POU3F3: variants seen among roughly 807,000 people sequenced by gnomAD.
The protein encoded by POU3F3 is POU class 3 homeobox 3, also known as POU domain, class 3, transcription factor 3.
POU3F3 carries 1 observed loss-of-function variant against 8.6 expected under a neutral mutation model. The observed-to-expected ratio is 0.12, with a 90% CI of 0.04 to 0.55. The LOEUF is 0.55. Ranked by LOEUF, POU3F3 falls within the 20% of genes least tolerant of loss-of-function variation. POU3F3 has a pLI of 0.91. For missense variants in POU3F3, 577 were observed against 690.7 expected (o/e 0.84, Z 1.84); for synonymous variants, 418 against 327.4 (o/e 1.28, Z -2.99).
chr2:104,869,550 G>GTCC, the POU3F3 span, among the ~76,000 whole-genome samples: 1 of 152,176 alleles, frequency 6.6e-6, no homozygotes, highest in Non-Finnish European at 1.5e-5. Flanking sequence ...TTGTGCCCCA[G>GTCC]TCCTACTTGT....
chr2:104,854,104 G>T (rs1451499438), upstream of POU3F3, among the ~76,000 whole-genome samples: 1 of 152,172 alleles, frequency 6.6e-6, no homozygotes, highest in African/African-American at 2.4e-5. The surrounding 1 kb of genome is among the most constrained non-coding windows in gnomAD (Gnocchi z 4.5). Flanking sequence ...CGCTCGCGGC[G>T]GAGGGTAAAC....
chr2:104,899,926 G>A, the POU3F3 span, among the ~76,000 whole-genome samples: 4 of 152,178 alleles, frequency 2.6e-5, no homozygotes, highest in East Asian at 3.9e-4. Flanking sequence ...ACACACATTC[G>A]AAGACTGCCC....
chr2:104,924,423 G>A, the POU3F3 span, among the ~76,000 whole-genome samples: 1 of 152,160 alleles, frequency 6.6e-6, no homozygotes. Context: ...TCTTCTGTCT[G>A]CAAAGACAAT....
chr2:104,887,751 C>A, the POU3F3 span, among the ~76,000 whole-genome samples: 1 of 152,192 alleles, frequency 6.6e-6, no homozygotes, highest in Non-Finnish European at 1.5e-5. Flanking sequence ...GAGAGTAGTG[C>A]AAGCTGTTCA....
the POU3F3 span, chr2:104,872,181 C>G: frequency 1.5e-5 from 7 of 453,428 alleles, no homozygotes; most frequent in Admixed American, 1.4e-4. This position sits in a 1 kb window ranked among gnomAD's most constrained non-coding sequence, Gnocchi z 4.6. Flanking sequence ...CCTGCGCCCG[C>G]CGGCTGCGCC....
chr2:104,872,584 G>A, the POU3F3 span: 2 of 301,018 alleles, frequency 6.6e-6, no homozygotes, highest in Non-Finnish European at 1.3e-5. This position sits in a 1 kb window ranked among gnomAD's most constrained non-coding sequence, Gnocchi z 4.6. Context: ...AGGCTGGTGG[G>A]GACGCACTCG....
downstream of POU3F3, among the ~76,000 whole-genome samples, chr2:104,860,976 T>A (rs1037118689): frequency 5.3e-5 from 8 of 151,986 alleles, no homozygotes; most frequent in Non-Finnish European, 1.0e-4. Flanking sequence ...TTGATAGTTT[T>A]ATCGATAAGT....
the POU3F3 span, among the ~76,000 whole-genome samples, chr2:104,870,368 A>G: frequency 6.6e-6 from 1 of 152,358 alleles, no homozygotes; most frequent in South Asian, 2.1e-4. Context: ...AAAAGTATCA[A>G]AACTTTTCGC....
chr2:104,859,716 G>T (rs911322066), downstream of POU3F3, among the ~76,000 whole-genome samples: 8 of 152,066 alleles, frequency 5.3e-5, no homozygotes, highest in Admixed American at 5.2e-4. Context: ...ACACCAAATC[G>T]TACTAAAAAT....
chr2:104,891,023 G>C, the POU3F3 span, among the ~76,000 whole-genome samples: 1 of 152,170 alleles, frequency 6.6e-6, no homozygotes, highest in African/African-American at 2.4e-5. Flanking sequence ...CCCTGAGCGA[G>C]TTCCCTCACT....
the POU3F3 span, among the ~76,000 whole-genome samples, chr2:104,870,523 G>A: frequency 6.6e-6 from 1 of 152,190 alleles, no homozygotes; most frequent in East Asian, 1.9e-4. Flanking sequence ...AGGTGAAGGG[G>A]AAATATCCCA....
At chr2:104,919,425 T>G in the POU3F3 span, among the ~76,000 whole-genome samples, 1 of 152,178 alleles carries the variant, frequency 6.6e-6, no homozygotes, top group Non-Finnish European at 1.5e-5. Context: ...CCAGCGCCAC[T>G]TCAGAGGCCC....
At chr2:104,861,792 C>T (rs1449985783), downstream of POU3F3, among the ~76,000 whole-genome samples, 2 of 152,170 alleles carry the variant, frequency 1.3e-5, no homozygotes, top group Non-Finnish European at 2.9e-5. Flanking sequence ...CTCTCAGGCT[C>T]TCCAAGTTCT....
chr2:104,905,347 G>A, the POU3F3 span, among the ~76,000 whole-genome samples: 1 of 152,064 alleles, frequency 6.6e-6, no homozygotes, highest in Non-Finnish European at 1.5e-5. Flanking sequence ...TCCACTTTAT[G>A]CATATAGTGG....
At position 104,855,653 on chromosome 2, in the gene POU3F3, G is replaced by A. The variant is rs1676544193; in HGVS notation, c.143G>A (p.Gly48Asp). The A allele has an allele frequency of 9.9e-7, 1 of 1,011,436 alleles. No individual in the cohort carries two copies. The highest frequency in any genetic ancestry group is 1.2e-6 in the Non-Finnish European group (1 of 845,552). The allele number at this position is 1,011,436 out of a possible 1,614,324, so 62.7% of individuals were successfully genotyped here. Residue 48 changes from glycine to aspartate, a missense_variant, in exon 1 of 1, where the codon GGC becomes GAC. Transcript: ENST00000361360. ...GGCGGGGGCGGCGCAGGGGGCGGGGGCGGCGGCATGCAGCCGGGCAGCGCC... is the reference window on the plus strand; with the variant it reads ...GGCGGGGGCGGCGCAGGGGGCGGGGACGGCGGCATGCAGCCGGGCAGCGCC... Reference protein sequence around the residue: ...GGGGGGAGGGGGGMQPGSAAV... With the variant: ...GGGGGGAGGGDGGMQPGSAAV...
At chr2:104,901,813 G>A in the POU3F3 span, among the ~76,000 whole-genome samples, 1 of 152,228 alleles carries the variant, frequency 6.6e-6, no homozygotes, top group African/African-American at 2.4e-5. Context: ...ACAGGCGGCC[G>A]GAGCCACGGC....
At chr2:104,888,765 T>G in the POU3F3 span, among the ~76,000 whole-genome samples, 1 of 152,176 alleles carries the variant, frequency 6.6e-6, no homozygotes, top group Non-Finnish European at 1.5e-5. Flanking sequence ...ATTTGGGGTT[T>G]GTATTTAACA....
rs749208505 is a variant in POU3F3, at chr2:104,856,011, C to G, written c.501C>G (p.Arg167=). The G allele has an allele frequency of 1.0e-6, 1 of 985,964 alleles. No homozygotes were observed. The highest frequency in any genetic ancestry group is 6.3e-5 in the Admixed American group (1 of 15,750). 61.1% of individuals were successfully genotyped at this position (985,964 alleles called of 1,614,324 possible). ...ACGCGGGCACAGCGCTGCACCACCG[C>G]GGGCCGCCGCACCTCGGACCCCCGC... The part of the protein sequence containing the change: ...DLHAGTALHH[R]GPPHLGPPPP... Residue 167 remains arginine (R), a synonymous_variant, in exon 1 of 1, where the codon CGC becomes CGG. Transcript: ENST00000361360.
chr2:104,862,910 AT>A (rs1373606947), downstream of POU3F3, among the ~76,000 whole-genome samples: 3 of 151,980 alleles, frequency 2.0e-5, no homozygotes, highest in African/African-American at 7.2e-5. Context: ...TCAATTACAG[AT>A]CAAAATGGCT....
Sources: gnomAD v4.1 joint callset for allele counts (sites outside exome capture counted in the v4.1 genomes callset) on GRCh38, gnomAD v4.1.1 for gene constraint, Gnocchi (gnomAD v3.1) non-coding constraint, MANE v1.5 for transcripts, NCBI Gene and HGNC (gene_info 2026-07-23, HGNC 2026-07-21) for gene names.